Variants in POLN observed in about 807,000 individuals in gnomAD.
POLN encodes the protein DNA polymerase nu.
POLN carries 108 observed loss-of-function variants against 113.5 expected under a neutral mutation model. That is an observed-to-expected ratio of 0.95 (90% CI 0.81 to 1.12). The LOEUF (loss-of-function observed/expected upper bound fraction) is 1.12, where lower values mean the gene tolerates loss of function less well. Among genes scored for constraint, POLN ranks in the 50% most tolerant of loss-of-function variants. The probability of loss-of-function intolerance (pLI) is 0.00; values close to 1 mark genes in which losing one functional copy is unlikely to be tolerated. For missense variants in POLN, 1,097 were observed against 1,077.1 expected, an observed-to-expected ratio of 1.02 and a Z score of -0.26; for synonymous variants, 386 against 391.5, an observed-to-expected ratio of 0.99 and a Z score of 0.17.
intron 19 of POLN, among the ~76,000 whole-genome samples, chr4:2,107,281 C>T (rs1379766015): frequency 6.6e-6 from 1 of 152,152 alleles, no homozygotes; most frequent in Non-Finnish European, 1.5e-5. Flanking sequence ...ACCATCTTCA[C>T]CAAATGATGG....
chr4:2,092,716 T>C (rs1042881349), intron 20 of POLN, among the ~76,000 whole-genome samples: 1 of 152,220 alleles, frequency 6.6e-6, no homozygotes, highest in African/African-American at 2.4e-5. Flanking sequence ...CCCTCAGCAT[T>C]TGTGGGCCGT....
At chr4:2,193,693 C>T (rs1577759531) in intron 6 of POLN, among the ~76,000 whole-genome samples, 2 of 152,308 alleles carry the variant, frequency 1.3e-5, no homozygotes, top group South Asian at 2.1e-4. Context: ...ACCCTCTCGT[C>T]GCACTAAATT....
At chr4:2,150,675 T>C (rs1385163685) in intron 16 of POLN, among the ~76,000 whole-genome samples, 4 of 152,188 alleles carry the variant, frequency 2.6e-5, no homozygotes, top group Admixed American at 1.3e-4. Flanking sequence ...GAGTACAGTA[T>C]TAAACCCTTA....
At chr4:2,075,559 T>A (rs1730255380) in intron 23 of POLN, 40 bp from the exon 24 acceptor site, 2 of 1,605,576 alleles carry the variant, frequency 1.2e-6, no homozygotes. Flanking sequence ...AGGCCAGGAC[T>A]GTGGGGCGTG....
At chr4:2,173,887 C>A (rs1211911793) in intron 11 of POLN, 68 bp downstream of exon 11, 5 of 1,424,888 alleles carry the variant, frequency 3.5e-6, no homozygotes, top group Admixed American at 1.7e-5. Context: ...TCTAGACCTG[C>A]CACTGGGAAC....
At chr4:2,079,315 C>A in intron 23 of POLN, 1 of 672,524 alleles carries the variant, frequency 1.5e-6, no homozygotes, top group Non-Finnish European at 1.8e-6. Flanking sequence ...GAAACTAGCA[C>A]AAGCTGCTCA....
chr4:2,114,754 T>G (rs1219112354), intron 19 of POLN, among the ~76,000 whole-genome samples: 1 of 152,186 alleles, frequency 6.6e-6, no homozygotes, highest in East Asian at 1.9e-4. Flanking sequence ...TTGGTGAGAT[T>G]TTTGGATACG....
chr4:2,238,554 C>T (rs1734847730), intron 2 of POLN: 10 of 1,263,188 alleles, frequency 7.9e-6, no homozygotes, highest in East Asian at 2.4e-5. Flanking sequence ...TCTAGTATTT[C>T]GCAAAAACAA....
chr4:2,123,637 A>AAG (rs1561012633), intron 19 of POLN, among the ~76,000 whole-genome samples: 2 of 150,606 alleles, frequency 1.3e-5, no homozygotes, highest in South Asian at 2.1e-4. Context: ...AAAAAAAAAA[A>AAG]AAAAAAAAGA....
intron 7 of POLN, among the ~76,000 whole-genome samples, chr4:2,183,707 T>TG (rs1219309662): frequency 6.6e-6 from 1 of 152,052 alleles, no homozygotes; most frequent in East Asian, 1.9e-4. Flanking sequence ...GGTTTTTTTT[T>TG]GGGGTGACAA....
intron 2 of POLN, chr4:2,230,444 C>T (rs796696731): frequency 4.0e-5 from 6 of 151,608 alleles, no homozygotes; most frequent in African/African-American, 7.3e-5. Flanking sequence ...TTCTCTATTC[C>T]GAAATAGAAT....
chr4:2,174,497 C>T (rs890767263), intron 10 of POLN, among the ~76,000 whole-genome samples, 194 bp downstream of exon 10: 2 of 152,162 alleles, frequency 1.3e-5, no homozygotes, highest in Admixed American at 6.5e-5. Flanking sequence ...GTCAGAACCT[C>T]GAGTCTTTCC....
In POLN at chr4:2,146,043, A is replaced by T. The variant is rs1732129966; in HGVS notation, c.1731+10745T>A. Among the ~76,000 whole-genome samples the T allele has an allele frequency of 1.0e-4, 6 of 58,396 alleles. No homozygotes were observed. The South Asian group carries it at 2.9e-3, about 28-fold the overall frequency. The allele number at this position is 58,396 out of a possible 152,430, so 38.3% of individuals were successfully genotyped here. A position where few individuals can be genotyped will look rare whatever the true frequency, so the allele number is the denominator to read the frequency against. ...CTATAATTTATATAAACTTTAAAAT[A>T]GCAAAAAAAAGACAATCTATCATTT... is the stretch of plus-strand genomic sequence containing the variant. On this transcript the variant is annotated intron_variant, in intron 16 of 25. Coordinates refer to ENST00000511885, the MANE Select transcript of POLN (RefSeq NM_181808.4).
chr4:2,215,614 G>C (rs1293830352), intron 3 of POLN, among the ~76,000 whole-genome samples: 29 of 152,172 alleles, frequency 1.9e-4, no homozygotes, highest in Admixed American at 1.9e-3. Context: ...GTTCTTTGCA[G>C]CCAGGCAATC....
At chr4:2,101,304 C>T (rs1730917641) in intron 19 of POLN, among the ~76,000 whole-genome samples, 1 of 151,860 alleles carries the variant, frequency 6.6e-6, no homozygotes, top group Admixed American at 6.6e-5. Context: ...TTCAAGCATG[C>T]CTCATCCACT....
intron 21 of POLN, among the ~76,000 whole-genome samples, chr4:2,084,345 C>T (rs1279669252): frequency 6.6e-6 from 1 of 152,242 alleles, no homozygotes; most frequent in Non-Finnish European, 1.5e-5. Context: ...GCGCAGGTCG[C>T]CAGCTCCATG....
rs1357297852 is a variant in POLN, at chr4:2,072,171, C to A, written c.2646G>T (p.Gly882=). The A allele has an allele frequency of 6.2e-7, 1 of 1,611,626 alleles. No individual in the cohort carries two copies. The highest frequency in any genetic ancestry group is 1.3e-5 in the African/African-American group (1 of 74,878). The change falls in exon 26 of 26, where the codon GGG becomes GGT. Residue 882 remains glycine, a synonymous_variant. Transcript: ENST00000511885. ...ESPSNSLAAP[G]SPASTQPPPL... is the part of the protein sequence containing the mutation. ...GTGGGGGCTGGGTGCTGGCAGGGGA[C>A]CCAGGGGCAGCCAGGCTGTTGCTGG...
chr4:2,080,393 A>G, intron 23 of POLN: 1 of 1,021,994 alleles, frequency 9.8e-7, no homozygotes, highest in Non-Finnish European at 1.2e-6. Flanking sequence ...GCACATCTGC[A>G]TGTTGGCTCT....
intron 24 of POLN, 22 bp downstream of exon 24, chr4:2,075,430 A>C: frequency 6.2e-7 from 1 of 1,612,728 alleles, no homozygotes; most frequent in African/African-American, 1.3e-5. Context: ...TGTCCAAGCA[A>C]CCCTGTGTTG....
Sources: gnomAD v4.1 joint callset for allele counts (sites outside exome capture counted in the v4.1 genomes callset) on GRCh38, gnomAD v4.1.1 for gene constraint, MANE v1.5 for transcripts, NCBI Gene and HGNC (gene_info 2026-07-23, HGNC 2026-07-21) for gene names.